Variants in PCDHGB3 observed in about 807,000 individuals in gnomAD.
PCDHGB3 encodes the protein protocadherin gamma subfamily B, 3, also known as protocadherin gamma-B3.
Under a neutral mutation model 59.2 loss-of-function variants are expected in PCDHGB3, and 40 were observed. The observed-to-expected ratio is 0.68, with a 90% CI of 0.52 to 0.88. The LOEUF (loss-of-function observed/expected upper bound fraction) is 0.88, where lower values mean the gene tolerates loss of function less well. Ranked by LOEUF, PCDHGB3 falls within the 40% of genes least tolerant of loss-of-function variation. The pLI is 0.00. For synonymous variants in PCDHGB3, 581 were observed against 503.6 expected (o/e 1.15, Z -2.06); for missense variants, 1,309 against 1,187.9 (o/e 1.10, Z -1.50).
chr5:141,419,274 C>T lies in PCDHGB3; in HGVS notation c.2415+46465C>T, dbSNP rs755798236. 17 of 1,613,900 alleles carry T rather than the reference C, an allele frequency of 1.1e-5. No homozygotes were observed. Among genetic ancestry groups the T allele is most frequent in the African/African-American group, 1.3e-5 (1 of 74,948 alleles). ...AACAACCAGCCGGGTGCCTCCATAG[C>T]GCAAGTCAGTGCCTCTGACCCAGAC... is the stretch of plus-strand genomic sequence containing the variant. On this transcript the variant is annotated intron_variant, in intron 1 of 3. Transcript: ENST00000576222.
intron 1 of PCDHGB3, chr5:141,389,855 G>T: frequency 6.2e-7 from 1 of 1,614,060 alleles, no homozygotes; most frequent in Non-Finnish European, 8.5e-7. Context: ...CCACTGCCAC[G>T]TTGCACCTGG....
chr5:141,422,831 C>A (rs766457129), intron 1 of PCDHGB3: 11 of 1,614,242 alleles, frequency 6.8e-6, no homozygotes, highest in Non-Finnish European at 6.8e-6. Context: ...AGAGTGATAG[C>A]ACGTGACAGC....
chr5:141,485,105 G>A lies in PCDHGB3; in HGVS notation c.2416-9702G>A. On this transcript the variant is annotated intron_variant, in intron 1 of 3. Transcript: ENST00000576222. The surrounding 1 kb of genome is among the most constrained non-coding windows in gnomAD (Gnocchi z 5.7). ...AGGGAGATAGGTGTCTCCAGCTGCT[G>A]TGGCTGTTTGGGGCGGGTCGGCTTC... 8.3e-7 allele frequency: 1 copy of A among 1,205,940 alleles called. No individual in the cohort carries two copies. Among genetic ancestry groups the A allele is most frequent in the Non-Finnish European group, 1.2e-6 (1 of 827,784 alleles). The allele number at this position is 1,205,940 out of a possible 1,614,324, so 74.7% of individuals were successfully genotyped here.
intron 1 of PCDHGB3, chr5:141,423,110 G>C: frequency 6.2e-7 from 1 of 1,613,842 alleles, no homozygotes; most frequent in Non-Finnish European, 8.5e-7. Context: ...GGCGAGGTGC[G>C]TACAGCGCGG....
chr5:141,384,670 G>A, intron 1 of PCDHGB3: 1 of 1,614,220 alleles, frequency 6.2e-7, no homozygotes. Context: ...GGTGACCAAG[G>A]TGGTGGCGGT....
intron 1 of PCDHGB3, among the ~76,000 whole-genome samples, chr5:141,459,184 G>GC (rs2098963022): frequency 6.6e-6 from 1 of 152,134 alleles, no homozygotes; most frequent in South Asian, 2.1e-4. Flanking sequence ...GTTCCCTCAT[G>GC]CCCCTTTGCA....
At chr5:141,502,291 G>A (rs1346186675) in intron 2 of PCDHGB3, among the ~76,000 whole-genome samples, 1 of 151,370 alleles carries the variant, frequency 6.6e-6, no homozygotes, top group African/African-American at 2.5e-5. Context: ...GCATTTGGTT[G>A]TCACGTCTTT....
chr5:141,489,268 G>C lies in PCDHGB3; in HGVS notation c.2416-5539G>C. 6.4e-7 allele frequency: 1 copy of C among 1,553,286 alleles called. No individual in the cohort carries two copies. The highest frequency in any genetic ancestry group is 8.7e-7 in the Non-Finnish European group (1 of 1,149,780). ...GGGGCCCAAGACACTCCCACAGCTC[G>C]CTGGGAAATGGCAAGTGCTGTGCAT... On this transcript the variant is annotated intron_variant, in intron 1 of 3. Transcript: ENST00000576222. The surrounding 1 kb of genome is among the most constrained non-coding windows in gnomAD (Gnocchi z 4.5).
At chr5:141,426,538 C>T (rs1038881219) in intron 1 of PCDHGB3, 2 of 346,308 alleles carry the variant, frequency 5.8e-6, no homozygotes, top group Non-Finnish European at 1.2e-5. Context: ...TGGGAACATA[C>T]TTGTGAGTGA....
chr5:141,375,790 A>T, intron 1 of PCDHGB3: 1 of 1,614,216 alleles, frequency 6.2e-7, no homozygotes. Context: ...CCCTCCCCAC[A>T]GACGGTTCCA....
At chr5:141,502,398 C>T (rs1303456458) in intron 2 of PCDHGB3, among the ~76,000 whole-genome samples, 1 of 151,688 alleles carries the variant, frequency 6.6e-6, no homozygotes, top group Non-Finnish European at 1.5e-5. Flanking sequence ...TTAAAATGTC[C>T]CCGAACCTGG....
intron 1 of PCDHGB3, chr5:141,376,156 G>T: frequency 6.2e-7 from 1 of 1,614,074 alleles, no homozygotes; most frequent in Non-Finnish European, 8.5e-7. Flanking sequence ...ACCTCACTCT[G>T]TACCTGGTGG....
At chr5:141,379,009 A>T (rs1310996873) in intron 1 of PCDHGB3, 1 of 152,210 alleles carries the variant, frequency 6.6e-6, no homozygotes, top group Non-Finnish European at 1.5e-5. Flanking sequence ...ATTTTTCTCC[A>T]GTCATGAGTT....
intron 1 of PCDHGB3, chr5:141,396,033 C>T (rs191318626): frequency 1.3e-5 from 2 of 152,280 alleles, no homozygotes; most frequent in East Asian, 3.9e-4. Context: ...TATGTAAGAA[C>T]ATATTTCAAT....
At chr5:141,444,507 G>C (rs1213059531) in intron 1 of PCDHGB3, among the ~76,000 whole-genome samples, 1 of 152,068 alleles carries the variant, frequency 6.6e-6, no homozygotes, top group Non-Finnish European at 1.5e-5. Context: ...CTTTGCTCTA[G>C]CAGTATAGTA....
intron 1 of PCDHGB3, among the ~76,000 whole-genome samples, chr5:141,442,917 G>A (rs1041756930): frequency 6.6e-6 from 1 of 152,178 alleles, no homozygotes; most frequent in Non-Finnish European, 1.5e-5. Context: ...GCACACAACT[G>A]TTTCATTTTC....
At chr5:141,426,810 C>T (rs769435523) in intron 1 of PCDHGB3, 4 of 456,568 alleles carry the variant, frequency 8.8e-6, no homozygotes, top group Non-Finnish European at 1.8e-5. Flanking sequence ...TTCTAATGAA[C>T]ATTTCTCTCT....
intron 1 of PCDHGB3, chr5:141,400,680 G>A (rs1452030965): frequency 1.4e-5 from 12 of 883,960 alleles, no homozygotes; most frequent in Admixed American, 5.5e-5. Context: ...GCAGTAAATT[G>A]TGAGTTTTTA....
Position 141,491,034 on chromosome 5 carries a change from T to C in PCDHGB3, c.2416-3773T>C, listed in dbSNP as rs375902824. On this transcript the variant is annotated intron_variant, in intron 1 of 3. Coordinates refer to ENST00000576222, the MANE Select transcript of PCDHGB3 (RefSeq NM_018924.5). The surrounding 1 kb of genome is among the most constrained non-coding windows in gnomAD (Gnocchi z 6.9). The stretch of plus-strand genomic sequence containing the variant: ...CCAAGGTGACAGCCGTGGATGCTGA[T>C]GCAGGCCACAATGCGTGGCTCTCCT... 19 of 1,614,170 alleles carry C rather than the reference T, an allele frequency of 1.2e-5. No homozygotes were observed. Among genetic ancestry groups the C allele is most frequent in the East Asian group, 4.5e-5 (2 of 44,894 alleles).
Sources: gnomAD v4.1 joint callset for allele counts (sites outside exome capture counted in the v4.1 genomes callset) on GRCh38, gnomAD v4.1.1 for gene constraint, Gnocchi (gnomAD v3.1) non-coding constraint, MANE v1.5 for transcripts, NCBI Gene and HGNC (gene_info 2026-07-23, HGNC 2026-07-21) for gene names.